KALRN: variants seen among roughly 807,000 people sequenced by gnomAD.
KALRN encodes the protein kalirin RhoGEF kinase, also known as kalirin.
A neutral mutation model predicts 353.7 loss-of-function variants in KALRN; 70 were observed. The observed-to-expected ratio is 0.20, with a 90% confidence interval of 0.16 to 0.24. The LOEUF is 0.24. Among genes scored for constraint, KALRN ranks in the 10% least tolerant of loss-of-function variants. The pLI is 1.00. For missense variants in KALRN, 2,791 were observed against 3,756.7 expected, an observed-to-expected ratio of 0.74 and a Z score of 6.72; for synonymous variants, 1,391 against 1,434.8, an observed-to-expected ratio of 0.97 and a Z score of 0.69.
At chr3:124,080,114 C>T (rs1325450796) in intron 1 of KALRN, 2 of 469,896 alleles carry the variant, frequency 4.3e-6, no homozygotes, top group East Asian at 7.0e-5. Flanking sequence ...CTAGTACTTG[C>T]AGGCTGTCTG....
intron 34 of KALRN, among the ~76,000 whole-genome samples, chr3:124,623,719 T>A (rs756645508): frequency 2.0e-5 from 3 of 152,160 alleles, no homozygotes; most frequent in Non-Finnish European, 4.4e-5. Context: ...ACTCAAATGT[T>A]AACACCCTCA....
intron 10 of KALRN, among the ~76,000 whole-genome samples, chr3:124,356,036 T>G (rs1365957940): frequency 6.6e-6 from 1 of 152,034 alleles, no homozygotes; most frequent in East Asian, 1.9e-4. Flanking sequence ...AAAAACAAAT[T>G]AATACAAATA....
At position 124,543,304 on chromosome 3, in the gene KALRN, C is replaced by CT. The variant is rs869114594; in HGVS notation, c.4936-19524dup. Among the ~76,000 whole-genome samples, 683 of 141,914 alleles carry CT rather than the reference C, an allele frequency of 4.8e-3. 7 individuals are homozygous for CT. In the East Asian group the frequency reaches 0.053, roughly 11 times the overall value. The allele number at this position is 141,914 out of a possible 152,430, so 93.1% of individuals were successfully genotyped here. On this transcript the variant is annotated intron_variant, in intron 33 of 59. Coordinates refer to ENST00000682506, the MANE Select transcript of KALRN (RefSeq NM_001388419.1). Reference sequence around the variant, plus strand: ...GTGAGGTATTAAAAAAATTTACGGACTTTTTTTTTTTTTTTGAGACGGAAT... The same window carrying CT: ...GTGAGGTATTAAAAAAATTTACGGACTTTTTTTTTTTTTTTTGAGACGGAAT...
At chr3:124,605,917 C>G (rs544050235) in intron 34 of KALRN, among the ~76,000 whole-genome samples, 1 of 152,268 alleles carries the variant, frequency 6.6e-6, no homozygotes, top group Admixed American at 6.5e-5. Context: ...TCTATCCCAA[C>G]ACACACATCA....
At chr3:124,284,630 C>T (rs1356050225) in intron 5 of KALRN, among the ~76,000 whole-genome samples, 1 of 152,150 alleles carries the variant, frequency 6.6e-6, no homozygotes, top group Non-Finnish European at 1.5e-5. Flanking sequence ...CCTCACTAGA[C>T]CGTGGCCTTG....
At chr3:124,655,410 T>G (rs1205972717) in intron 38 of KALRN, among the ~76,000 whole-genome samples, 191 bp from the exon 39 acceptor site, 2 of 152,236 alleles carry the variant, frequency 1.3e-5, no homozygotes, top group African/African-American at 4.8e-5. Flanking sequence ...TTTCTGGCCT[T>G]GGTGTCCTCA....
chr3:124,502,818 A>C (rs2064758903), intron 33 of KALRN, among the ~76,000 whole-genome samples: 1 of 152,198 alleles, frequency 6.6e-6, no homozygotes, highest in Non-Finnish European at 1.5e-5. Context: ...AGAAAACCAA[A>C]CATCTGGAAA....
chr3:124,189,706 G>A (rs1306849808), intron 1 of KALRN, among the ~76,000 whole-genome samples: 4 of 152,258 alleles, frequency 2.6e-5, no homozygotes, highest in African/African-American at 7.2e-5. Context: ...TTGGGAGGCC[G>A]AGGCAGGTGG....
chr3:124,092,713 G>A (rs530298696), intron 1 of KALRN, among the ~76,000 whole-genome samples: 1 of 152,224 alleles, frequency 6.6e-6, no homozygotes, highest in South Asian at 2.1e-4. Flanking sequence ...GGGCACCTAC[G>A]AGTTATCTGA....
chr3:124,254,949 T>A (rs1963924), intron 3 of KALRN, among the ~76,000 whole-genome samples: 43,976 of 148,204 alleles, frequency 0.3, 7,427 homozygotes, highest in Admixed American at 0.38. Context: ...AGTATATATA[T>A]ATATTTTTTT....
At chr3:124,170,930 C>G (rs183043109) in intron 1 of KALRN, among the ~76,000 whole-genome samples, 6 of 138,648 alleles carry the variant, frequency 4.3e-5, no homozygotes, top group African/African-American at 1.3e-4. Context: ...TCTCATGCCT[C>G]AGCCTCCCAA....
chr3:124,438,650 A>G (rs563686972), intron 17 of KALRN, among the ~76,000 whole-genome samples: 2 of 149,092 alleles, frequency 1.3e-5, no homozygotes, highest in South Asian at 4.2e-4. Context: ...TACTATTCCT[A>G]GGTAATGTCA....
At chr3:124,232,618 C>G (rs1364220285) in intron 2 of KALRN, among the ~76,000 whole-genome samples, 1 of 152,150 alleles carries the variant, frequency 6.6e-6, no homozygotes, top group Non-Finnish European at 1.5e-5. Context: ...GCTCATTCCT[C>G]TCCTTTTTTC....
In KALRN at chr3:124,385,043, GGA is replaced by G; in HGVS notation, c.1962+9_1962+10del. 6.3e-7 allele frequency: 1 copy of G among 1,576,118 alleles called. No homozygotes were observed. The highest frequency in any genetic ancestry group is 8.6e-7 in the Non-Finnish European group (1 of 1,156,486). On this transcript the variant is annotated splice_region_variant and intron_variant, in intron 11 of 59. Transcript: ENST00000682506. ...CCACACACACACCAAAGAGGTAAGGGGAGCTAGTGGAGAGAGGGCATTCTGTC... is the reference window on the plus strand; with the variant it reads ...CCACACACACACCAAAGAGGTAAGGGGCTAGTGGAGAGAGGGCATTCTGTC...
intron 51 of KALRN, among the ~76,000 whole-genome samples, chr3:124,689,731 A>G (rs1465940517): frequency 6.6e-6 from 1 of 152,212 alleles, no homozygotes; most frequent in Non-Finnish European, 1.5e-5. Flanking sequence ...CATTCAACAA[A>G]TATTTGATTT....
intron 15 of KALRN, among the ~76,000 whole-genome samples, chr3:124,423,693 T>C (rs1560892750): frequency 6.6e-6 from 1 of 152,078 alleles, no homozygotes; most frequent in Non-Finnish European, 1.5e-5. Context: ...CTGGGCAACA[T>C]GGTGAGACCG....
In KALRN at chr3:124,724,457, AT is replaced by A. The variant is rs1193397420; in HGVS notation, c.*4992del. ...AATTTATTTATAAAACTGCACCTTGATTTTTCCTCACTATTTAAAGCCTAGG... is the reference window on the plus strand; with the variant it reads ...AATTTATTTATAAAACTGCACCTTGATTTTCCTCACTATTTAAAGCCTAGG... On this transcript the variant is annotated 3_prime_UTR_variant, in exon 60 of 60. Transcript: ENST00000682506. The A allele has an allele frequency of 3.9e-5, 6 of 152,208 alleles. No individual in the cohort carries two copies. The highest frequency in any genetic ancestry group is 1.4e-4 in the African/African-American group (6 of 41,530). 9.4% of individuals were successfully genotyped at this position (152,208 alleles called of 1,614,324 possible). A position where few individuals can be genotyped will look rare whatever the true frequency, so the allele number is the denominator to read the frequency against.
At chr3:124,582,644 A>C (rs1248016071) in intron 34 of KALRN, among the ~76,000 whole-genome samples, 3 of 152,220 alleles carry the variant, frequency 2.0e-5, no homozygotes, top group African/African-American at 7.2e-5. Context: ...TATATGGAGA[A>C]CATGGAGGAA....
intron 58 of KALRN, among the ~76,000 whole-genome samples, chr3:124,714,431 G>A (rs2063035223): frequency 6.6e-6 from 1 of 152,188 alleles, no homozygotes; most frequent in Admixed American, 6.5e-5. Flanking sequence ...TAGTGCAATG[G>A]AAAGAAGCTG....
Sources: gnomAD v4.1 joint callset for allele counts (sites outside exome capture counted in the v4.1 genomes callset) on GRCh38, gnomAD v4.1.1 for gene constraint, MANE v1.5 for transcripts, NCBI Gene and HGNC (gene_info 2026-07-23, HGNC 2026-07-21) for gene names.